Variants in F13A1 observed in about 807,000 individuals in gnomAD.
The protein encoded by F13A1 is FSF, A subunit.
In F13A1, 47 loss-of-function variants were observed where a neutral mutation model predicts 80.1. The ratio of observed to expected loss-of-function variants is 0.59; its 90% CI spans 0.46 to 0.75. F13A1 has a LOEUF of 0.75. F13A1 is among the 30% of genes least tolerant of loss of function. The pLI is 0.00. For missense variants in F13A1, 817 were observed against 930.4 expected, an observed-to-expected ratio of 0.88 and a Z score of 1.59; for synonymous variants, 349 against 344.9, an observed-to-expected ratio of 1.01 and a Z score of -0.13.
intron 10 of F13A1, among the ~76,000 whole-genome samples, chr6:6,182,883 T>C (rs995182987): frequency 2.6e-5 from 4 of 152,230 alleles, no homozygotes; most frequent in African/African-American, 9.6e-5. Context: ...CAAAAGTATT[T>C]AAATTGAACA....
intron 6 of F13A1, among the ~76,000 whole-genome samples, chr6:6,236,969 T>C (rs1757421842): frequency 6.6e-6 from 1 of 152,146 alleles, no homozygotes; most frequent in African/African-American, 2.4e-5. Context: ...GTGTGGTGGA[T>C]GTCAAATTGT....
intron 8 of F13A1, among the ~76,000 whole-genome samples, chr6:6,197,940 C>G (rs926747279): frequency 1.2e-5 from 1 of 85,054 alleles, no homozygotes; most frequent in Non-Finnish European, 2.2e-5. Context: ...TTTCTGCTGA[C>G]TAACGAAACA....
intron 10 of F13A1, among the ~76,000 whole-genome samples, chr6:6,186,542 G>T (rs1046066358): frequency 1.3e-5 from 2 of 152,112 alleles, no homozygotes; most frequent in Non-Finnish European, 2.9e-5. Flanking sequence ...TAGATATGCG[G>T]CATTATTTCT....
rs1760599234 is a variant in F13A1, at chr6:6,162,912, G to C, written c.1908+4546C>G. Among the ~76,000 whole-genome samples, 1 of 152,192 alleles carries C rather than the reference G, an allele frequency of 6.6e-6. No homozygotes were observed. The highest frequency in any genetic ancestry group is 1.5e-5 in the Non-Finnish European group (1 of 68,028). ...GTGCTACAAGGCACTGCCTTCTCTG[G>C]TCCTCTCAGTTTTCTAATCAGTAAA... On this transcript the variant is annotated intron_variant, in intron 13 of 14. Transcript: ENST00000264870. The surrounding 1 kb of genome is among the most constrained non-coding windows in gnomAD (Gnocchi z 4.2).
chr6:6,165,072 G>A (rs750809817), intron 13 of F13A1, among the ~76,000 whole-genome samples: 7 of 152,172 alleles, frequency 4.6e-5, no homozygotes, highest in Non-Finnish European at 1.0e-4. Flanking sequence ...CAGTTTATGG[G>A]ATGATGCCCC....
At chr6:6,167,732 C>G (rs1223253240) in intron 12 of F13A1, 114 bp from the exon 13 acceptor site, 1 of 1,198,372 alleles carries the variant, frequency 8.3e-7, no homozygotes, top group Non-Finnish European at 1.2e-6. Context: ...ACCAGGAACA[C>G]AGCAAAGGTA....
chr6:6,164,122 A>G (rs943029296), intron 13 of F13A1, among the ~76,000 whole-genome samples: 1 of 152,176 alleles, frequency 6.6e-6, no homozygotes, highest in Non-Finnish European at 1.5e-5. Context: ...CAGGAAAAAA[A>G]CCAAACAACC....
At chr6:6,251,044 A>C (rs1434537712) in intron 4 of F13A1, 115 bp from the exon 5 acceptor site, 7 of 827,712 alleles carry the variant, frequency 8.5e-6, no homozygotes, top group Non-Finnish European at 1.5e-5. Context: ...CAAATTTTTA[A>C]AAAATGCCCT....
At chr6:6,265,772 A>G (rs1044798692) in intron 4 of F13A1, among the ~76,000 whole-genome samples, 1 of 152,192 alleles carries the variant, frequency 6.6e-6, no homozygotes, top group Admixed American at 6.5e-5. Flanking sequence ...TTCTTAAAGT[A>G]GGGGGATAGA....
At position 6,195,883 on chromosome 6, in the gene F13A1, T is replaced by G; in HGVS notation, c.1219A>C (p.Met407Leu). ...DSTPQENSDG[M>L]YRCGPASVQA... ...ACCGAGGCGGGGCCACACCGATACA[T>G]GCCTGCATTGCACAGAGGAAGGGCG... Residue 407 changes from methionine to leucine, a missense_variant and splice_region_variant, in exon 10 of 15, where the codon ATG (methionine) becomes CTG (leucine). Met to Leu is a conservative substitution (Grantham distance 15). Transcript: ENST00000264870. 6.2e-7 allele frequency: 1 copy of G among 1,614,062 alleles called. No homozygotes were observed. Among genetic ancestry groups the G allele is most frequent in the African/African-American group, 1.3e-5 (1 of 75,042 alleles).
chr6:6,202,393 C>A (rs1300247110), intron 8 of F13A1, among the ~76,000 whole-genome samples: 4 of 152,194 alleles, frequency 2.6e-5, no homozygotes, highest in Non-Finnish European at 5.9e-5. Flanking sequence ...TGGTCTTATT[C>A]TTCTACACAT....
At chr6:6,304,420 A>G (rs1397065810) in intron 3 of F13A1, among the ~76,000 whole-genome samples, 7 of 152,170 alleles carry the variant, frequency 4.6e-5, no homozygotes, top group Non-Finnish European at 8.8e-5. Flanking sequence ...ATAAATTCCT[A>G]TAGAAATGTT....
chr6:6,166,037 A>G (rs987047214), intron 13 of F13A1, among the ~76,000 whole-genome samples: 25 of 152,242 alleles, frequency 1.6e-4, no homozygotes, highest in African/African-American at 5.3e-4. Context: ...CACTGTGTCA[A>G]TTACACAGGA....
intron 2 of F13A1, among the ~76,000 whole-genome samples, chr6:6,313,303 A>ATTTTTTT (rs1758633256): frequency 8.4e-6 from 1 of 118,588 alleles, no homozygotes; most frequent in Non-Finnish European, 1.7e-5. Flanking sequence ...TTTTTTTTAA[A>ATTTTTTT]TACGGTAGCT....
At chr6:6,274,542 GAAGT>G (rs1414057979) in intron 3 of F13A1, among the ~76,000 whole-genome samples, 1 of 152,190 alleles carries the variant, frequency 6.6e-6, no homozygotes, top group Non-Finnish European at 1.5e-5. Context: ...GCATTCACAG[GAAGT>G]AAGAACATAA....
chr6:6,234,666 C>T (rs1757392944), intron 6 of F13A1, among the ~76,000 whole-genome samples: 1 of 151,896 alleles, frequency 6.6e-6, no homozygotes, highest in Non-Finnish European at 1.5e-5. Context: ...TTAATTGATA[C>T]CATCTAACAT....
At chr6:6,183,799 G>A (rs1194254475) in intron 10 of F13A1, among the ~76,000 whole-genome samples, 1 of 152,138 alleles carries the variant, frequency 6.6e-6, no homozygotes, top group African/African-American at 2.4e-5. Context: ...GTGTGTCCTT[G>A]TAGAAAGTGC....
In F13A1 at chr6:6,145,294, A is replaced by T; in HGVS notation, c.*325T>A. 1 of 368,060 alleles carries T rather than the reference A, an allele frequency of 2.7e-6. No individual in the cohort carries two copies. Among genetic ancestry groups the T allele is most frequent in the Non-Finnish European group, 5.2e-6 (1 of 191,494 alleles). The allele number at this position is 368,060 out of a possible 1,614,324, so 22.8% of individuals were successfully genotyped here. A position where few individuals can be genotyped will look rare whatever the true frequency, so the allele number is the denominator to read the frequency against. The stretch of plus-strand genomic sequence containing the variant: ...CAGGTATTGAGCAAATCTCCCTGGT[A>T]AGAGAGCCCACTGATATTTGGAGAT... On this transcript the variant is annotated 3_prime_UTR_variant, in exon 15 of 15. Coordinates refer to ENST00000264870, the MANE Select transcript of F13A1 (RefSeq NM_000129.4).
chr6:6,167,459 TTGA>T lies in F13A1; in HGVS notation c.1904_1906del (p.Ile635del), dbSNP rs1760697021. The T allele has an allele frequency of 6.2e-7, 1 of 1,613,704 alleles. No individual in the cohort carries two copies. Among genetic ancestry groups the T allele is most frequent in the African/African-American group, 1.3e-5 (1 of 74,782 alleles). ...CCAGGATGAGACGCTAAGACTGACC[TTGA>T]TGATGATCTCAGGGATGGTTAGCAC... On this transcript the variant is annotated inframe_deletion and splice_region_variant, in exon 13 of 15. Coordinates refer to ENST00000264870, the MANE Select transcript of F13A1 (RefSeq NM_000129.4).
Sources: allele counts gnomAD v4.1 joint callset (sites outside exome capture counted in the v4.1 genomes callset), GRCh38; gene constraint gnomAD v4.1.1; non-coding constraint Gnocchi (gnomAD v3.1); transcripts MANE v1.5; gene names NCBI Gene and HGNC (gene_info 2026-07-23, HGNC 2026-07-21).